Variants in HID1 observed in about 807,000 individuals in gnomAD.
HID1 encodes the protein HID1 domain containing.
HID1 carries 42 observed loss-of-function variants against 89.7 expected under a neutral mutation model. That is an observed-to-expected ratio of 0.47 (90% CI 0.37 to 0.61). HID1 has a LOEUF of 0.61. Ranked by LOEUF, HID1 falls within the 20% of genes least tolerant of loss-of-function variation. The pLI is 0.00. For missense variants in HID1, 854 were observed against 1,039.3 expected (o/e 0.82, Z 2.45); for synonymous variants, 442 against 433.8 (o/e 1.02, Z -0.24).
Position 74,958,041 on chromosome 17 carries a change from TG to T in HID1, c.1471+99del. 1 of 1,049,520 alleles carries T rather than the reference TG, an allele frequency of 9.5e-7. No homozygotes were observed. The highest frequency in any genetic ancestry group is 2.6e-5 in the East Asian group (1 of 38,430). The allele number at this position is 1,049,520 out of a possible 1,614,324, so 65.0% of individuals were successfully genotyped here. A position where few individuals can be genotyped will look rare whatever the true frequency, so the allele number is the denominator to read the frequency against. On this transcript the variant is annotated intron_variant, in intron 12 of 18. Coordinates refer to ENST00000425042, the MANE Select transcript of HID1 (RefSeq NM_030630.3). This position sits in a 1 kb window ranked among gnomAD's most constrained non-coding sequence, Gnocchi z 5.2. ...GGTACACAAGCTTGCGTTCTTTCTG[TG>T]GGCTGGAGGGGCTTGAAACCTGGAG... is the stretch of plus-strand genomic sequence containing the variant.
intron 3 of HID1, chr17:74,963,524 C>T: frequency 1.7e-6 from 1 of 591,418 alleles, no homozygotes; most frequent in East Asian, 2.9e-5. Context: ...CCATACCCTA[C>T]TTCCTCCAGA....
Position 74,952,157 on chromosome 17 carries a change from GCCTA to G in HID1, c.2145-98_2145-95del, listed in dbSNP as rs549190051. 86 of 1,510,148 alleles carry G rather than the reference GCCTA, an allele frequency of 5.7e-5. 2 individuals carry two copies. In the South Asian group the frequency reaches 9.5e-4, roughly 17 times the overall value. 93.5% of individuals were successfully genotyped at this position (1,510,148 alleles called of 1,614,324 possible). Reference sequence around the variant, plus strand: ...CCAAGACCCATGTTTCCCATCACACGCCTACCTAAGCCTAGGCTGGCCCCGCCCA... The same window carrying G: ...CCAAGACCCATGTTTCCCATCACACGCCTAAGCCTAGGCTGGCCCCGCCCA... On this transcript the variant is annotated intron_variant, in intron 17 of 18. Coordinates refer to ENST00000425042, the MANE Select transcript of HID1 (RefSeq NM_030630.3).
chr17:74,965,424 A>T (rs1387727839), intron 1 of HID1, among the ~76,000 whole-genome samples: 7 of 152,252 alleles, frequency 4.6e-5, no homozygotes, highest in Admixed American at 3.9e-4. Context: ...TCTCACAGAA[A>T]CATGCCTTAC....
intron 13 of HID1, chr17:74,954,780 G>A (rs1424048809): frequency 1.4e-5 from 3 of 221,794 alleles, no homozygotes; most frequent in African/African-American, 2.3e-5. Context: ...ATCCCCCAAC[G>A]CTGACTTCTC....
chr17:74,951,578 G>T lies in HID1; in HGVS notation c.2359C>A (p.Arg787=), dbSNP rs780665652. Residue 787 remains arginine (R), a synonymous_variant, in exon 19 of 19, where the codon CGG becomes AGG. Coordinates refer to ENST00000425042, the MANE Select transcript of HID1 (RefSeq NM_030630.3). ...CCTCGTCGGCTTCATCCTCACACCC[G>T]CTGTATCTCAAACAGCTTCACGTCG... is the stretch of plus-strand genomic sequence containing the variant. ...DTDVKLFEIQ[R]V is the part of the protein sequence containing the mutation. The T allele has an allele frequency of 8.7e-6, 14 of 1,611,360 alleles. No homozygotes were observed. Among genetic ancestry groups the T allele is most frequent in the Non-Finnish European group, 1.1e-5 (13 of 1,178,944 alleles).
chr17:74,962,215 G>T lies in HID1; in HGVS notation c.611+19C>A. 1.9e-6 allele frequency: 3 copies of T among 1,586,706 alleles called. No individual in the cohort carries two copies. The highest frequency in any genetic ancestry group is 2.6e-6 in the Non-Finnish European group (3 of 1,158,848). The stretch of plus-strand genomic sequence containing the variant: ...GGGGTCCAGCTGCATTGAGGGCTCC[G>T]GGCCTGGGCGAAGCTCACCGGTTCA... On this transcript the variant is annotated intron_variant, in intron 5 of 18. Coordinates refer to ENST00000425042, the MANE Select transcript of HID1 (RefSeq NM_030630.3). This position sits in a 1 kb window ranked among gnomAD's most constrained non-coding sequence, Gnocchi z 4.3.
chr17:74,961,110 GC>G (rs1343708821), intron 6 of HID1, among the ~76,000 whole-genome samples: 1 of 152,178 alleles, frequency 6.6e-6, no homozygotes, highest in Non-Finnish European at 1.5e-5. Context: ...TTGGAATGTG[GC>G]TGATCGGAAC....
chr17:74,953,110 G>A (rs781594614), intron 15 of HID1, 24 bp from the exon 16 acceptor site: 1 of 1,576,016 alleles, frequency 6.3e-7, no homozygotes, highest in East Asian at 2.3e-5. Flanking sequence ...AGGAACAGGG[G>A]TGAGGGATGG....
At chr17:74,970,250 G>A (rs1431019533) in intron 1 of HID1, among the ~76,000 whole-genome samples, 2 of 152,040 alleles carry the variant, frequency 1.3e-5, no homozygotes, top group Non-Finnish European at 2.9e-5. Context: ...GCTTTTCCAG[G>A]CCCCTGCTCG....
At chr17:74,966,793 CA>C (rs565440029) in intron 1 of HID1, among the ~76,000 whole-genome samples, 1 of 151,708 alleles carries the variant, frequency 6.6e-6, no homozygotes, top group Non-Finnish European at 1.5e-5. Flanking sequence ...CCTATCTCTA[CA>C]AAAAATAAAA....
In HID1 at chr17:74,955,923, G is replaced by C; in HGVS notation, c.1505C>G (p.Thr502Ser). 1 of 1,614,040 alleles carries C rather than the reference G, an allele frequency of 6.2e-7. No individual in the cohort carries two copies. The highest frequency in any genetic ancestry group is 8.5e-7 in the Non-Finnish European group (1 of 1,179,948). ...CAGCAGGTGCAGCAACTTGTTGGCA[G>C]TCACCATGGACAGGCTCTTGAGGTA... ...SPYLKSLSMV[T>S]ANKLLHLLEA... Residue 502 changes from threonine (T) to serine (S), a missense_variant, in exon 13 of 19, where the codon ACT (threonine) becomes AGT (serine). By Grantham distance (58) the Thr-to-Ser change is moderately conservative. Coordinates refer to ENST00000425042, the MANE Select transcript of HID1 (RefSeq NM_030630.3).
At position 74,952,013 on chromosome 17, in the gene HID1, A is replaced by G; in HGVS notation, c.2195T>C (p.Leu732Pro). ...GTGGGGCACGGGCAGCAGCCCCACC[A>G]GGGTGCCATGCTGCAGGAACCGCAG... ...EILRFLQHGT[L>P]VGLLPVPHPI... The change falls in exon 18 of 19, where the codon CTG becomes CCG. Residue 732 changes from leucine (L) to proline (P), a missense_variant. By Grantham distance (98) the Leu-to-Pro change is moderately conservative (BLOSUM62 -3). Coordinates refer to ENST00000425042, the MANE Select transcript of HID1 (RefSeq NM_030630.3). 6.4e-7 allele frequency: 1 copy of G among 1,560,264 alleles called. No homozygotes were observed. Among genetic ancestry groups the G allele is most frequent in the South Asian group, 1.2e-5 (1 of 84,634 alleles).
intron 1 of HID1, among the ~76,000 whole-genome samples, chr17:74,970,051 G>C (rs1268684297): frequency 6.6e-6 from 1 of 151,464 alleles, no homozygotes; most frequent in African/African-American, 2.4e-5. Flanking sequence ...CGAGTAGCTG[G>C]GAATACAGGC....
intron 18 of HID1, 54 bp from the exon 19 acceptor site, chr17:74,951,687 A>C (rs1030473538): frequency 5.4e-5 from 84 of 1,552,754 alleles, no homozygotes; most frequent in Non-Finnish European, 7.1e-5. Context: ...CAGACAAGGC[A>C]CCAGGAGGAG....
chr17:74,954,033 C>T (rs1567957273), intron 14 of HID1, 105 bp downstream of exon 14: 6 of 1,125,714 alleles, frequency 5.3e-6, no homozygotes, highest in Non-Finnish European at 6.5e-6. Flanking sequence ...GGCTTCCATA[C>T]ATAAGCCATG....
At chr17:74,971,705 G>C (rs2039650611) in intron 1 of HID1, among the ~76,000 whole-genome samples, 1 of 152,320 alleles carries the variant, frequency 6.6e-6, no homozygotes, top group East Asian at 1.9e-4. Context: ...ACGGTGGCCT[G>C]ATTCAAAAAG....
Position 74,972,443 on chromosome 17 carries a change from CG to C in HID1, c.66+147del. 1 of 713,314 alleles carries C rather than the reference CG, an allele frequency of 1.4e-6. No individual in the cohort carries two copies. The highest frequency in any genetic ancestry group is 2.2e-6 in the Non-Finnish European group (1 of 444,744). 44.2% of individuals were successfully genotyped at this position (713,314 alleles called of 1,614,324 possible). On this transcript the variant is annotated intron_variant, in intron 1 of 18. Coordinates refer to ENST00000425042, the MANE Select transcript of HID1 (RefSeq NM_030630.3). The surrounding 1 kb of genome is among the most constrained non-coding windows in gnomAD (Gnocchi z 6.4). ...GGATGGAGCTTCCAGGTACAGGCCGCGGGGTCCCGTTCCGGCGCTGGCCTTG... is the reference window on the plus strand; with the variant it reads ...GGATGGAGCTTCCAGGTACAGGCCGCGGGTCCCGTTCCGGCGCTGGCCTTG...
chr17:74,952,047 A>T lies in HID1; in HGVS notation c.2161T>A (p.Ser721Thr). 6.4e-7 allele frequency: 1 copy of T among 1,557,466 alleles called. No individual in the cohort carries two copies. The highest frequency in any genetic ancestry group is 8.7e-7 in the Non-Finnish European group (1 of 1,150,318). The change falls in exon 18 of 19, where the codon TCT becomes ACT. Residue 721 changes from serine (S) to threonine (T), a missense_variant. Transcript: ENST00000425042. ...ICIDKGLTDE[S>T]EILRFLQHGT... ...TGCTGCAGGAACCGCAGGATCTCAG[A>T]CTCATCCGTCAGGCCCCTGCGGGGA...
intron 1 of HID1, among the ~76,000 whole-genome samples, chr17:74,968,421 G>A (rs576212177): frequency 7.2e-5 from 11 of 151,786 alleles, no homozygotes; most frequent in East Asian, 3.9e-4. Context: ...AGTTGGGGTC[G>A]CATGCCTCAC....
Sources: allele counts gnomAD v4.1 joint callset (sites outside exome capture counted in the v4.1 genomes callset), GRCh38; gene constraint gnomAD v4.1.1; non-coding constraint Gnocchi (gnomAD v3.1); transcripts MANE v1.5; gene names NCBI Gene and HGNC (gene_info 2026-07-23, HGNC 2026-07-21).